ATP11C: variants seen among roughly 807,000 people sequenced by gnomAD.
ATP11C encodes ATPase phospholipid transporting 11C (ATP11C blood group).
ATP11C carries 36 observed loss-of-function variants against 97.4 expected under a neutral mutation model. The observed-to-expected ratio is 0.37, with a 90% CI of 0.28 to 0.49. The LOEUF (loss-of-function observed/expected upper bound fraction) is 0.49. ATP11C is among the 20% of genes least tolerant of loss of function. The pLI is 0.98. For synonymous variants in ATP11C, 275 were observed against 290.9 expected, an observed-to-expected ratio of 0.95 and a Z score of 0.56; for missense variants, 730 against 824.6, an observed-to-expected ratio of 0.89 and a Z score of 1.40.
At position 139,728,799 on chromosome X, in the gene ATP11C, A is replaced by T; in HGVS notation, c.*167T>A. ...AGAGAATCATTTGGTATTTTAATGA[A>T]CATTTATTGTGAACTCTAGACATGA... On this transcript the variant is annotated 3_prime_UTR_variant, in exon 30 of 30. Coordinates refer to ENST00000682941, the MANE Select transcript of ATP11C (RefSeq NM_001353812.2). 1 of 581,710 alleles carries T rather than the reference A, an allele frequency of 1.7e-6. No individual in the cohort carries two copies. The allele number at this position is 581,710 out of a possible 1,213,427, so 47.9% of individuals were successfully genotyped here.
chrX:139,922,223 AATATAT>A (rs201394639), intron 1 of ATP11C, among the ~76,000 whole-genome samples: 2,662 of 43,550 alleles, frequency 0.061, 112 homozygotes, highest in Non-Finnish European at 0.083. Flanking sequence ...TCCTTCTCTA[AATATAT>A]ATATATATAT....
At chrX:139,736,357 C>T (rs2081444390) in intron 28 of ATP11C, among the ~76,000 whole-genome samples, 1 of 111,095 alleles carries the variant, frequency 9.0e-6, no homozygotes, top group East Asian at 2.8e-4. Context: ...ATCTTTAGAC[C>T]ATGTAGCTGG....
chrX:139,919,823 G>A (rs756084834), intron 1 of ATP11C, among the ~76,000 whole-genome samples: 1 of 110,634 alleles, frequency 9.0e-6, no homozygotes, highest in South Asian at 3.9e-4. Context: ...GGAGGCTGAG[G>A]CAGGAGAATT....
chrX:139,899,559 TA>T (rs775541223), intron 1 of ATP11C, among the ~76,000 whole-genome samples: 29 of 110,699 alleles, frequency 2.6e-4, no homozygotes, highest in East Asian at 2.0e-3. Flanking sequence ...CGAGAAAATC[TA>T]AATAAAGTAT....
chrX:139,909,659 TTTACAAGATGTTACCACTGGGGAGAAA>T (rs1569490738), intron 1 of ATP11C, among the ~76,000 whole-genome samples: 2 of 111,761 alleles, frequency 1.8e-5, no homozygotes, highest in South Asian at 7.5e-4. Context: ...ATAGTGCAAT[TTTACAAGATGTTACCACTGGGGAGAAA>T]TTGGGTAGAG....
intron 24 of ATP11C, among the ~76,000 whole-genome samples, chrX:139,749,390 G>A (rs1379217825): frequency 8.9e-6 from 1 of 111,781 alleles, no homozygotes; most frequent in East Asian, 2.8e-4. Context: ...CTTACAATCT[G>A]CTATAAATTA....
intron 23 of ATP11C, among the ~76,000 whole-genome samples, chrX:139,756,968 T>TAAAAA (rs756085784): frequency 2.7e-4 from 10 of 37,258 alleles, no homozygotes; most frequent in African/African-American, 3.8e-4. Flanking sequence ...AACCTAAAAG[T>TAAAAA]AAAAAAAAAA....
intron 24 of ATP11C, among the ~76,000 whole-genome samples, chrX:139,746,165 T>C (rs1233466644): frequency 3.6e-5 from 4 of 111,829 alleles, no homozygotes; most frequent in Non-Finnish European, 7.5e-5. Flanking sequence ...TTCACAGTTT[T>C]ACAGACATTA....
intron 1 of ATP11C, among the ~76,000 whole-genome samples, chrX:139,847,163 T>C (rs1379289457): frequency 2.7e-5 from 3 of 111,143 alleles, no homozygotes; most frequent in Admixed American, 9.6e-5. Context: ...GACAAGCAGA[T>C]TGCTTGAGCT....
At chrX:139,859,618 A>T (rs1037626683) in intron 1 of ATP11C, among the ~76,000 whole-genome samples, 7 of 112,292 alleles carry the variant, frequency 6.2e-5, no homozygotes, top group African/African-American at 1.9e-4. Flanking sequence ...GAAGGCAGAC[A>T]TATTCAACCC....
intron 1 of ATP11C, among the ~76,000 whole-genome samples, chrX:139,855,813 T>C (rs758618922): frequency 9.0e-6 from 1 of 111,151 alleles, no homozygotes; most frequent in South Asian, 3.9e-4. Flanking sequence ...CATTAGTAAA[T>C]TGGGACCATT....
intron 1 of ATP11C, among the ~76,000 whole-genome samples, chrX:139,906,332 G>A (rs953901832): frequency 9.3e-5 from 10 of 107,723 alleles, no homozygotes; most frequent in African/African-American, 2.7e-4. Flanking sequence ...TGGGAGAATC[G>A]CTTGAGCCCG....
rs367979155 is a variant in ATP11C, at chrX:139,757,544, T to G, written c.2700+264A>C. On this transcript the variant is annotated intron_variant, in intron 23 of 29. Coordinates refer to ENST00000682941, the MANE Select transcript of ATP11C (RefSeq NM_001353812.2). ...TAACATTTTAGAATTATGAAACACT[T>G]TTTATACATTGATAAAAAGAAAAAA... Among the ~76,000 whole-genome samples, 31 of 111,808 alleles carry G rather than the reference T, an allele frequency of 2.8e-4. No homozygotes were observed. The South Asian group carries it at 0.011, about 40-fold the overall frequency.
intron 17 of ATP11C, 139 bp downstream of exon 17, chrX:139,783,025 A>G: frequency 2.1e-6 from 1 of 477,656 alleles, no homozygotes; most frequent in Non-Finnish European, 3.4e-6. Context: ...AATATTATCA[A>G]ATCCCCAAAT....
chrX:139,858,609 T>C lies in ATP11C; in HGVS notation c.28-31786A>G, dbSNP rs554863542. 4.3e-4 allele frequency among the ~76,000 whole-genome samples: 48 copies of C among 112,346 alleles called. No individual in the cohort carries two copies. In the South Asian group the frequency reaches 0.018, roughly 41 times the overall value. Reference sequence around the variant, plus strand: ...ACCACTGACGTTTGAGGGTTTATGTTTCAAAAAACAATTCTAAGCTCTTTG... The same window carrying C: ...ACCACTGACGTTTGAGGGTTTATGTCTCAAAAAACAATTCTAAGCTCTTTG... On this transcript the variant is annotated intron_variant, in intron 1 of 29. Coordinates refer to ENST00000682941, the MANE Select transcript of ATP11C (RefSeq NM_001353812.2).
chrX:139,768,838 AGAG>A (rs1475616653), intron 19 of ATP11C, among the ~76,000 whole-genome samples: 27 of 108,651 alleles, frequency 2.5e-4, no homozygotes, highest in African/African-American at 8.7e-4. Flanking sequence ...AAAGGTTTTA[AGAG>A]GAGAGCTGAG....
chrX:139,829,692 A>G (rs2083603664), intron 1 of ATP11C, among the ~76,000 whole-genome samples: 1 of 111,453 alleles, frequency 9.0e-6, no homozygotes, highest in Non-Finnish European at 1.9e-5. Flanking sequence ...CTCTATTTTA[A>G]TGACACATCA....
chrX:139,828,535 C>T (rs899614537), intron 1 of ATP11C, among the ~76,000 whole-genome samples: 1 of 111,951 alleles, frequency 8.9e-6, no homozygotes, highest in African/African-American at 3.2e-5. Flanking sequence ...GTCTCCACAA[C>T]AGACCTGACT....
At chrX:139,923,686 T>C (rs1331641763) in intron 1 of ATP11C, among the ~76,000 whole-genome samples, 2 of 112,236 alleles carry the variant, frequency 1.8e-5, no homozygotes, top group Non-Finnish European at 1.9e-5. Context: ...TTACATAATC[T>C]GCTCTACCCA....
Sources: gnomAD v4.1 joint callset for allele counts (sites outside exome capture counted in the v4.1 genomes callset) on GRCh38, gnomAD v4.1.1 for gene constraint, MANE v1.5 for transcripts, NCBI Gene and HGNC (gene_info 2026-07-23, HGNC 2026-07-21) for gene names.